SYNDIG1: variants seen among roughly 807,000 people sequenced by gnomAD.
The protein encoded by SYNDIG1 is synapse differentiation-inducing gene protein 1.
A neutral mutation model predicts 19.4 loss-of-function variants in SYNDIG1; 9 were observed. The ratio of observed to expected loss-of-function variants is 0.46; its 90% CI spans 0.28 to 0.81. SYNDIG1 has a LOEUF of 0.81. Among genes scored for constraint, SYNDIG1 ranks in the 30% least tolerant of loss-of-function variants. The pLI, the probability that SYNDIG1 is intolerant of heterozygous loss-of-function variation, is 0.12. For missense variants in SYNDIG1, 311 were observed against 343.3 expected (o/e 0.91, Z 0.74); for synonymous variants, 141 against 145.9 (o/e 0.97, Z 0.24).
At chr20:24,663,455 C>T (rs2059621054) in intron 3 of SYNDIG1, among the ~76,000 whole-genome samples, 1 of 152,114 alleles carries the variant, frequency 6.6e-6, no homozygotes, top group Non-Finnish European at 1.5e-5. Flanking sequence ...AAGAGTCAGC[C>T]CCGTGCCACT....
intron 3 of SYNDIG1, among the ~76,000 whole-genome samples, chr20:24,612,552 G>C (rs895272743): frequency 3.3e-5 from 5 of 152,214 alleles, no homozygotes; most frequent in Admixed American, 3.3e-4. Context: ...ACCTGCAAAA[G>C]ATTAATTTTA....
At chr20:24,542,303 A>G (rs910501936) in intron 1 of SYNDIG1, among the ~76,000 whole-genome samples, 4 of 152,254 alleles carry the variant, frequency 2.6e-5, no homozygotes, top group African/African-American at 9.6e-5. Flanking sequence ...TGTGCACTGT[A>G]CACTGTAGCC....
intron 3 of SYNDIG1, among the ~76,000 whole-genome samples, chr20:24,648,170 G>T (rs899912638): frequency 6.6e-6 from 1 of 152,140 alleles, no homozygotes; most frequent in Admixed American, 6.5e-5. Flanking sequence ...GGGGTGGGGT[G>T]GTACACATAC....
chr20:24,519,438 G>GT (rs1157384366), intron 1 of SYNDIG1, among the ~76,000 whole-genome samples: 1 of 152,164 alleles, frequency 6.6e-6, no homozygotes, highest in African/African-American at 2.4e-5. Context: ...CCACCATTTT[G>GT]TTTTTGTGGG....
chr20:24,600,675 C>T (rs1031002344), intron 3 of SYNDIG1, among the ~76,000 whole-genome samples: 6 of 144,966 alleles, frequency 4.1e-5, no homozygotes, highest in South Asian at 2.2e-4. Flanking sequence ...GGTGCAATGG[C>T]GTGATCTCAG....
chr20:24,663,729 C>A (rs116814407), intron 3 of SYNDIG1, among the ~76,000 whole-genome samples: 3,223 of 152,310 alleles, frequency 0.021, 94 homozygotes, highest in African/African-American at 0.067. Context: ...ATGCTGCTGG[C>A]AGGTGCCCAG....
chr20:24,646,472 C>T (rs1600821672), intron 3 of SYNDIG1, among the ~76,000 whole-genome samples: 1 of 152,180 alleles, frequency 6.6e-6, no homozygotes, highest in Admixed American at 6.5e-5. Flanking sequence ...CTATTAGCTC[C>T]TTCGACAGCT....
intron 2 of SYNDIG1, among the ~76,000 whole-genome samples, chr20:24,561,389 A>C (rs1291441207): frequency 6.6e-6 from 1 of 152,174 alleles, no homozygotes; most frequent in Non-Finnish European, 1.5e-5. Flanking sequence ...TTATAGCCTT[A>C]GACTAGGAGA....
intron 3 of SYNDIG1, among the ~76,000 whole-genome samples, chr20:24,638,165 A>G (rs2059334911): frequency 6.6e-6 from 1 of 152,236 alleles, no homozygotes; most frequent in African/African-American, 2.4e-5. Context: ...TCAAAGCTGC[A>G]CTGTCAACTC....
intron 2 of SYNDIG1, among the ~76,000 whole-genome samples, chr20:24,579,421 C>CA (rs1236188966): frequency 1.3e-5 from 2 of 151,868 alleles, no homozygotes; most frequent in East Asian, 1.9e-4. Flanking sequence ...ATTGATCAGG[C>CA]AAAAAAACTC....
chr20:24,648,734 C>A (rs1376897454), intron 3 of SYNDIG1, among the ~76,000 whole-genome samples: 1 of 152,318 alleles, frequency 6.6e-6, no homozygotes, highest in Non-Finnish European at 1.5e-5. Context: ...GTGTTAGAAA[C>A]GAGTGCCCAA....
chr20:24,502,908 T>C (rs2056490006), intron 1 of SYNDIG1, among the ~76,000 whole-genome samples: 1 of 152,228 alleles, frequency 6.6e-6, no homozygotes, highest in Admixed American at 6.5e-5. Context: ...GAGTTTTGTC[T>C]TTGCATTTAT....
At chr20:24,654,959 T>TA (rs2059510358) in intron 3 of SYNDIG1, among the ~76,000 whole-genome samples, 1 of 152,172 alleles carries the variant, frequency 6.6e-6, no homozygotes, top group Non-Finnish European at 1.5e-5. Flanking sequence ...GGCAATAGAA[T>TA]ATGGCCATTT....
chr20:24,524,228 C>T (rs1388968612), intron 1 of SYNDIG1, among the ~76,000 whole-genome samples: 2 of 152,210 alleles, frequency 1.3e-5, no homozygotes, highest in African/African-American at 2.4e-5. Context: ...TCTGCCAGCC[C>T]ATGTTCCTGT....
chr20:24,486,625 T>TTTC (rs1259974867), intron 1 of SYNDIG1, among the ~76,000 whole-genome samples: 1 of 151,780 alleles, frequency 6.6e-6, no homozygotes, highest in African/African-American at 2.4e-5. Context: ...CATTTCTTTT[T>TTTC]TTTCTTTCTT....
intron 3 of SYNDIG1, among the ~76,000 whole-genome samples, chr20:24,638,813 A>C (rs1211643610): frequency 6.6e-6 from 1 of 152,212 alleles, no homozygotes; most frequent in Non-Finnish European, 1.5e-5. Flanking sequence ...TCTGTGCATG[A>C]CTCAGCTTGG....
At chr20:24,623,476 AAG>A (rs1251135356) in intron 3 of SYNDIG1, among the ~76,000 whole-genome samples, 1 of 152,240 alleles carries the variant, frequency 6.6e-6, no homozygotes, top group Non-Finnish European at 1.5e-5. Flanking sequence ...TACAGCAAAA[AAG>A]AATAACTAGA....
intron 1 of SYNDIG1, among the ~76,000 whole-genome samples, chr20:24,538,309 T>C (rs1178190887): frequency 1.3e-5 from 2 of 152,202 alleles, no homozygotes; most frequent in African/African-American, 4.8e-5. Flanking sequence ...TACTTTTGAG[T>C]ACTTTTGATG....
intron 1 of SYNDIG1, among the ~76,000 whole-genome samples, chr20:24,540,427 G>T (rs1212357622): frequency 6.6e-6 from 1 of 152,138 alleles, no homozygotes; most frequent in African/African-American, 2.4e-5. Flanking sequence ...TTCAATAAAA[G>T]TGGGAAAAGT....
Sources: gnomAD v4.1 joint callset for allele counts (sites outside exome capture counted in the v4.1 genomes callset) on GRCh38, gnomAD v4.1.1 for gene constraint, MANE v1.5 for transcripts, NCBI Gene and HGNC (gene_info 2026-07-23, HGNC 2026-07-21) for gene names.